SLC12A6: variants seen among roughly 807,000 people sequenced by gnomAD.
SLC12A6 encodes the protein solute carrier family 12 member 6.
Under a neutral mutation model 135.3 loss-of-function variants are expected in SLC12A6, and 66 were observed. The observed-to-expected ratio is 0.49, with a 90% CI of 0.40 to 0.60. The LOEUF (loss-of-function observed/expected upper bound fraction) is 0.60, where lower values mean the gene tolerates loss of function less well. SLC12A6 is among the 20% of genes least tolerant of loss of function. The probability of loss-of-function intolerance (pLI) is 0.00; values close to 1 mark genes in which losing one functional copy is unlikely to be tolerated. For synonymous variants in SLC12A6, 513 were observed against 508.8 expected (o/e 1.01, Z -0.11); for missense variants, 1,058 against 1,452.3 (o/e 0.73, Z 4.41).
intron 3 of SLC12A6, among the ~76,000 whole-genome samples, chr15:34,268,235 T>C (rs991713900): frequency 2.6e-5 from 4 of 152,262 alleles, no homozygotes; most frequent in Admixed American, 6.5e-5. Flanking sequence ...CCTTGTCTTA[T>C]TATCATCAGA....
chr15:34,293,008 C>A (rs761245849), intron 2 of SLC12A6, among the ~76,000 whole-genome samples: 2 of 152,204 alleles, frequency 1.3e-5, no homozygotes, highest in Non-Finnish European at 2.9e-5. Flanking sequence ...GGCTCACCCT[C>A]CGTGGGCTGC....
In SLC12A6 at chr15:34,252,299, G is replaced by A. The variant is rs1308950426; in HGVS notation, c.1204C>T (p.Pro402Ser). 3 of 1,609,580 alleles carry A rather than the reference G, an allele frequency of 1.9e-6. No homozygotes were observed. The highest frequency in any genetic ancestry group is 2.6e-6 in the Non-Finnish European group (3 of 1,176,190). Residue 402 changes from proline (P) to serine (S), a missense_variant, in exon 10 of 26, where the codon CCA becomes TCA. Physicochemically the swap from Pro to Ser is moderately conservative, Grantham distance 74. Around this residue, in one of 6 missense-constraint regions of SLC12A6, gnomAD observed 297 missense variants for 318.5 expected, o/e 0.93. Transcript: ENST00000354181. ...CAGAAGAATCCCCATAACTTTGATGGGACTGTCATGTTGTTAATTTCCTTG... is the reference window on the plus strand; with the variant it reads ...CAGAAGAATCCCCATAACTTTGATGAGACTGTCATGTTGTTAATTTCCTTG... ...KTKEINNMTV[P>S]SKLWGFFCNS...
chr15:34,318,199 C>T (rs1413092974), intron 2 of SLC12A6, among the ~76,000 whole-genome samples: 2 of 152,150 alleles, frequency 1.3e-5, no homozygotes, highest in Non-Finnish European at 2.9e-5. Flanking sequence ...GTCATCCACT[C>T]GGTGGGTTTA....
intron 2 of SLC12A6, among the ~76,000 whole-genome samples, chr15:34,310,822 C>T (rs1888199417): frequency 7.5e-6 from 1 of 132,800 alleles, no homozygotes; most frequent in Admixed American, 8.1e-5. Context: ...GTGTGTGTCC[C>T]GTGTCCAGGC....
At chr15:34,285,310 G>A (rs897432440) in intron 2 of SLC12A6, among the ~76,000 whole-genome samples, 3 of 152,184 alleles carry the variant, frequency 2.0e-5, no homozygotes, top group Non-Finnish European at 2.9e-5. Flanking sequence ...TGCTGGATAT[G>A]TTGACTAGCC....
rs1034818920 is a variant in SLC12A6, at chr15:34,337,441, C to T, written c.-182G>A. 6.5e-6 allele frequency: 1 copy of T among 153,376 alleles called. No individual in the cohort carries two copies. Among genetic ancestry groups the T allele is most frequent in the Non-Finnish European group, 1.5e-5 (1 of 68,880 alleles). The allele number at this position is 153,376 out of a possible 1,614,324, so 9.5% of individuals were successfully genotyped here. A position where few individuals can be genotyped will look rare whatever the true frequency, so the allele number is the denominator to read the frequency against. On this transcript the variant is annotated 5_prime_UTR_variant, in exon 1 of 26. Transcript: ENST00000354181. The stretch of plus-strand genomic sequence containing the variant: ...GCTCTTCTCCTAGCAGAAAGGTCCT[C>T]GGGGTCTGGGAGGAGGTTAGCGGAT...
chr15:34,333,970 T>A (rs929793595), intron 2 of SLC12A6, among the ~76,000 whole-genome samples: 12 of 151,020 alleles, frequency 7.9e-5, no homozygotes, highest in African/African-American at 2.9e-4. Flanking sequence ...CTTGGGAGGC[T>A]GAGGCAAAAG....
At chr15:34,248,701 A>G (rs555340854) in intron 13 of SLC12A6, among the ~76,000 whole-genome samples, 1 of 152,058 alleles carries the variant, frequency 6.6e-6, no homozygotes, top group African/African-American at 2.4e-5. Context: ...TGTAGGGGAG[A>G]GTAATATGAA....
chr15:34,234,672 T>C (rs530274238), intron 25 of SLC12A6, among the ~76,000 whole-genome samples: 2 of 152,186 alleles, frequency 1.3e-5, no homozygotes, highest in Non-Finnish European at 2.9e-5. Flanking sequence ...ACACCTGGCC[T>C]AAACCTCTTC....
chr15:34,288,138 T>C (rs879218267), intron 2 of SLC12A6, among the ~76,000 whole-genome samples: 1 of 152,206 alleles, frequency 6.6e-6, no homozygotes, highest in Non-Finnish European at 1.5e-5. Flanking sequence ...TTGATCCATC[T>C]TGAGTTGATT....
rs1175287197 is a variant in SLC12A6 at position 34,284,268 on chromosome 15, GTTTCT to G, written c.272-8884_272-8880del. ...AAGTAATGTCCATATTACTTTCTTT[GTTTCT>G]TTTCTTTTTTTTTTTTTTTTTTTTT... On this transcript the variant is annotated intron_variant, in intron 2 of 25. Transcript: ENST00000354181. Among the ~76,000 whole-genome samples, 7 of 130,782 alleles carry G rather than the reference GTTTCT, an allele frequency of 5.4e-5. No homozygotes were observed. In the East Asian group the frequency reaches 6.9e-4, roughly 13 times the overall value. The allele number at this position is 130,782 out of a possible 152,430, so 85.8% of individuals were successfully genotyped here. A position where few individuals can be genotyped will look rare whatever the true frequency, so the allele number is the denominator to read the frequency against.
At position 34,261,036 on chromosome 15, in the gene SLC12A6, T is replaced by G. The variant is rs770986271; in HGVS notation, c.317-16A>C. The stretch of plus-strand genomic sequence containing the variant: ...TGTCCGTCGTCTGGAAAAAAAAAAG[T>G]AGACCAAGTTAGTTTCTCACTGGTT... On this transcript the variant is annotated splice_polypyrimidine_tract_variant and intron_variant, in intron 3 of 25. Coordinates refer to ENST00000354181, the MANE Select transcript of SLC12A6 (RefSeq NM_001365088.1). 1 of 1,234,112 alleles carries G rather than the reference T, an allele frequency of 8.1e-7. No individual in the cohort carries two copies. Among genetic ancestry groups the G allele is most frequent in the Non-Finnish European group, 1.2e-6 (1 of 833,892 alleles). The allele number at this position is 1,234,112 out of a possible 1,614,324, so 76.4% of individuals were successfully genotyped here.
At chr15:34,281,277 A>T (rs919471080) in intron 2 of SLC12A6, among the ~76,000 whole-genome samples, 17 of 152,202 alleles carry the variant, frequency 1.1e-4, no homozygotes, top group Non-Finnish European at 8.8e-5. Flanking sequence ...ACTATACTTT[A>T]ATAGGTATTG....
At chr15:34,311,011 T>C (rs59662878) in intron 2 of SLC12A6, among the ~76,000 whole-genome samples, 6,751 of 152,220 alleles carry the variant, frequency 0.044, 236 homozygotes, top group African/African-American at 0.1. Flanking sequence ...AATTTAAACC[T>C]CATTTAATAG....
chr15:34,276,243 G>A (rs994066624), intron 2 of SLC12A6, among the ~76,000 whole-genome samples: 4 of 152,104 alleles, frequency 2.6e-5, no homozygotes, highest in African/African-American at 7.2e-5. Context: ...TTTTAATGAC[G>A]AAGGAACATT....
chr15:34,255,066 G>A (rs1237913555), intron 8 of SLC12A6, among the ~76,000 whole-genome samples, 196 bp downstream of exon 8: 1 of 152,172 alleles, frequency 6.6e-6, no homozygotes, highest in Non-Finnish European at 1.5e-5. Context: ...GTGGCAATCA[G>A]GTAGAAAGGA....
intron 13 of SLC12A6, 52 bp downstream of exon 13, chr15:34,250,246 A>G (rs1892292712): frequency 1.0e-6 from 1 of 987,724 alleles, no homozygotes; most frequent in African/African-American, 1.6e-5. Flanking sequence ...TGGAATGATC[A>G]GAAGTCATGG....
chr15:34,240,606 T>C (rs1176729204), intron 19 of SLC12A6, 55 bp downstream of exon 19: 2 of 1,470,030 alleles, frequency 1.4e-6, no homozygotes, highest in African/African-American at 2.8e-5. Context: ...GTCTTACTAC[T>C]TAACATCACA....
At chr15:34,319,970 A>C (rs906859830) in intron 2 of SLC12A6, among the ~76,000 whole-genome samples, 1 of 151,998 alleles carries the variant, frequency 6.6e-6, no homozygotes, top group Non-Finnish European at 1.5e-5. Flanking sequence ...TTCTTGATAT[A>C]ATTTATCAGA....
Sources: gnomAD v4.1 joint callset for allele counts (sites outside exome capture counted in the v4.1 genomes callset) on GRCh38, gnomAD v4.1.1 for gene constraint, gnomAD v4.1.1 regional missense constraint, MANE v1.5 for transcripts, NCBI Gene and HGNC (gene_info 2026-07-23, HGNC 2026-07-21) for gene names.